ENTHD1: variants seen among roughly 807,000 people sequenced by gnomAD.
ENTHD1 encodes the protein ENTH domain-containing protein 1.
A neutral mutation model predicts 39.1 loss-of-function variants in ENTHD1; 23 were observed. The ratio of observed to expected loss-of-function variants is 0.59; its 90% CI spans 0.42 to 0.83. The LOEUF is 0.83. Among genes scored for constraint, ENTHD1 ranks in the 40% least tolerant of loss-of-function variants. ENTHD1 has a pLI of 0.00. For synonymous variants in ENTHD1, 230 were observed against 258.2 expected, an observed-to-expected ratio of 0.89 and a Z score of 1.05; for missense variants, 624 against 705.4, an observed-to-expected ratio of 0.88 and a Z score of 1.31.
At chr22:39,891,500 CCTCA>C (rs1228179155) in intron 1 of ENTHD1, among the ~76,000 whole-genome samples, 1 of 149,258 alleles carries the variant, frequency 6.7e-6, no homozygotes, top group Non-Finnish European at 1.5e-5. Flanking sequence ...TGAGATAAAG[CCTCA>C]CTATGTAGCC....
At chr22:39,859,079 T>C (rs1334308736) in intron 3 of ENTHD1, among the ~76,000 whole-genome samples, 2 of 152,238 alleles carry the variant, frequency 1.3e-5, no homozygotes, top group Non-Finnish European at 2.9e-5. Context: ...TTGTGTGTTA[T>C]GGTGACAGTT....
chr22:39,805,421 G>A (rs2065632590), intron 5 of ENTHD1, among the ~76,000 whole-genome samples: 1 of 152,196 alleles, frequency 6.6e-6, no homozygotes, highest in South Asian at 2.1e-4. Context: ...AATTAGCTGA[G>A]CGAGGGTGGC....
At chr22:39,874,408 GCAAAGGTCATCCTCTTTGAC>G (rs1368207279) in intron 2 of ENTHD1, 1 of 152,126 alleles carries the variant, frequency 6.6e-6, no homozygotes, top group East Asian at 1.9e-4. Context: ...TCTTCTATCA[GCAAAGGTCATCCTCTTTGAC>G]CAAGAATCCA....
intron 5 of ENTHD1, among the ~76,000 whole-genome samples, chr22:39,815,339 A>G (rs934010151): frequency 6.6e-6 from 1 of 151,724 alleles, no homozygotes; most frequent in African/African-American, 2.4e-5. Flanking sequence ...GCTACTTGGG[A>G]GGCTGAGGCA....
At chr22:39,780,874 C>T (rs911530265) in intron 5 of ENTHD1, among the ~76,000 whole-genome samples, 8 of 151,944 alleles carry the variant, frequency 5.3e-5, no homozygotes, top group African/African-American at 1.9e-4. Context: ...TGGTGGGCAC[C>T]CGTAGTCCCA....
chr22:39,779,281 C>T (rs973822054), intron 5 of ENTHD1, among the ~76,000 whole-genome samples: 1 of 152,128 alleles, frequency 6.6e-6, no homozygotes, highest in Non-Finnish European at 1.5e-5. Flanking sequence ...GCGGAGGTTG[C>T]AGTGAGCCAA....
Position 39,883,829 on chromosome 22 carries a change from G to A in ENTHD1, c.349+3571C>T, listed in dbSNP as rs1226538633. ...AGATCATGCCACTGCACTCCAGCCT[G>A]GATGACAGAGCAAGGCTCTGTCCCA... is the stretch of plus-strand genomic sequence containing the variant. On this transcript the variant is annotated intron_variant, in intron 2 of 6. Coordinates refer to ENST00000325157, the MANE Select transcript of ENTHD1 (RefSeq NM_152512.4). 4.3e-5 allele frequency among the ~76,000 whole-genome samples: 6 copies of A among 139,468 alleles called. No homozygotes were observed. The South Asian group carries it at 1.4e-3, about 32-fold the overall frequency. The allele number at this position is 139,468 out of a possible 152,430, so 91.5% of individuals were successfully genotyped here.
chr22:39,780,682 AAC>A (rs1201699129), intron 5 of ENTHD1, among the ~76,000 whole-genome samples: 1 of 152,194 alleles, frequency 6.6e-6, no homozygotes, highest in Non-Finnish European at 1.5e-5. Flanking sequence ...TAACAATTAT[AAC>A]ACTGAAGCTC....
chr22:39,821,729 G>A (rs1174232424), intron 4 of ENTHD1, among the ~76,000 whole-genome samples: 1 of 152,148 alleles, frequency 6.6e-6, no homozygotes, highest in Non-Finnish European at 1.5e-5. Flanking sequence ...ATAAACAACA[G>A]AAATTTATTC....
chr22:39,862,803 C>T (rs540098292), intron 2 of ENTHD1, among the ~76,000 whole-genome samples: 1 of 152,204 alleles, frequency 6.6e-6, no homozygotes, highest in African/African-American at 2.4e-5. Flanking sequence ...TTGAATGTAT[C>T]CCCTCCAAAA....
intron 4 of ENTHD1, among the ~76,000 whole-genome samples, chr22:39,823,882 A>G (rs113143398): frequency 1.0e-3 from 153 of 152,324 alleles, no homozygotes; most frequent in African/African-American, 3.0e-3. Flanking sequence ...TGTTTAAGTT[A>G]CATTTTCCTG....
chr22:39,745,432 C>T (rs1288888799), intron 6 of ENTHD1, among the ~76,000 whole-genome samples: 1 of 152,178 alleles, frequency 6.6e-6, no homozygotes, highest in Non-Finnish European at 1.5e-5. Context: ...CTAAATTGGA[C>T]CTCCTGTAAA....
chr22:39,850,483 G>T (rs1194905881), intron 3 of ENTHD1, among the ~76,000 whole-genome samples: 2 of 152,092 alleles, frequency 1.3e-5, no homozygotes, highest in African/African-American at 4.8e-5. Flanking sequence ...TCCCCAATCT[G>T]ATAGTCTCTG....
Position 39,757,115 on chromosome 22 carries a change from G to A in ENTHD1, c.1219+8108C>T, listed in dbSNP as rs1381058040. Among the ~76,000 whole-genome samples the A allele has an allele frequency of 1.3e-5, 2 of 151,848 alleles. 1 individual carries two copies. Among genetic ancestry groups the A allele is most frequent in the African/African-American group, 4.8e-5 (2 of 41,348 alleles). On this transcript the variant is annotated intron_variant, in intron 6 of 6. Transcript: ENST00000325157. ...CTGAGTCTTCCAATCCATGAACACT[G>A]TGTATCTTCTCAACTTATTTAGGTC...
At chr22:39,849,891 A>G (rs2066021323) in intron 3 of ENTHD1, among the ~76,000 whole-genome samples, 1 of 152,126 alleles carries the variant, frequency 6.6e-6, no homozygotes, top group South Asian at 2.1e-4. Context: ...TTTTACTGTG[A>G]TGGCTAGGAC....
rs564631852 is a variant in ENTHD1 at position 39,785,789 on chromosome 22, G to C, written c.833-20180C>G. 5.9e-5 allele frequency among the ~76,000 whole-genome samples: 9 copies of C among 152,272 alleles called. No individual in the cohort carries two copies. The South Asian group carries it at 1.9e-3, about 32-fold the overall frequency. ...CACCTTGGGACTGGGTGACTGACCA[G>C]TGCTGGAGGAAATTCACAATGTCAT... On this transcript the variant is annotated intron_variant, in intron 5 of 6. Coordinates refer to ENST00000325157, the MANE Select transcript of ENTHD1 (RefSeq NM_152512.4).
intron 2 of ENTHD1, chr22:39,875,706 G>A: frequency 6.2e-7 from 1 of 1,612,598 alleles, no homozygotes; most frequent in South Asian, 1.1e-5. Flanking sequence ...TTCGTTTCCA[G>A]CATGAGTGCT....
At position 39,777,145 on chromosome 22, in the gene ENTHD1, A is replaced by G. The variant is rs533813875; in HGVS notation, c.833-11536T>C. On this transcript the variant is annotated intron_variant, in intron 5 of 6. Coordinates refer to ENST00000325157, the MANE Select transcript of ENTHD1 (RefSeq NM_152512.4). ...AGTAATTAAGTCAATCAGAGGAAAT[A>G]GAATCTGAAGGTAATAATAAGACCA... 2.0e-5 allele frequency among the ~76,000 whole-genome samples: 3 copies of G among 152,338 alleles called. No individual in the cohort carries two copies. In the South Asian group the frequency reaches 6.2e-4, roughly 32 times the overall value.
At chr22:39,857,647 C>T (rs1191883114) in intron 3 of ENTHD1, among the ~76,000 whole-genome samples, 1 of 152,026 alleles carries the variant, frequency 6.6e-6, no homozygotes, top group South Asian at 2.1e-4. Context: ...GATATACAGG[C>T]ACACCTTGAA....
Sources: gnomAD v4.1 joint callset for allele counts (sites outside exome capture counted in the v4.1 genomes callset) on GRCh38, gnomAD v4.1.1 for gene constraint, MANE v1.5 for transcripts, NCBI Gene and HGNC (gene_info 2026-07-23, HGNC 2026-07-21) for gene names.